The following USHBP1 variants were observed in gnomAD, a reference collection of about 807,000 sequenced individuals.
USHBP1 encodes the protein harmonin-binding protein USHBP1.
Under a neutral mutation model 76.2 loss-of-function variants are expected in USHBP1, and 67 were observed. The ratio of observed to expected loss-of-function variants is 0.88; its 90% CI spans 0.72 to 1.08. The LOEUF (loss-of-function observed/expected upper bound fraction) is 1.08. USHBP1 is among the 50% of genes least tolerant of loss of function. USHBP1 has a pLI of 0.00. For missense variants in USHBP1, 931 were observed against 915.0 expected, an observed-to-expected ratio of 1.02 and a Z score of -0.23; for synonymous variants, 322 against 362.2, an observed-to-expected ratio of 0.89 and a Z score of 1.26.
chr19:17,259,523 C>T, intron 6 of USHBP1, 73 bp downstream of exon 6: 1 of 1,605,934 alleles, frequency 6.2e-7, no homozygotes, highest in South Asian at 1.1e-5. Flanking sequence ...GTTGCAGCTT[C>T]AGACTCCTGG....
intron 10 of USHBP1, among the ~76,000 whole-genome samples, chr19:17,252,259 G>A (rs7246243): frequency 0.67 from 101,959 of 151,234 alleles, 34,944 homozygotes; most frequent in East Asian, 0.82. Context: ...ACAGTGGCAC[G>A]ATCTTGGCTG....
Position 17,250,221 on chromosome 19 carries a change from G to T in USHBP1, c.*4C>A. 1 of 1,602,320 alleles carries T rather than the reference G, an allele frequency of 6.2e-7. No homozygotes were observed. The highest frequency in any genetic ancestry group is 8.5e-7 in the Non-Finnish European group (1 of 1,175,302). On this transcript the variant is annotated 3_prime_UTR_variant, in exon 13 of 13. Coordinates refer to ENST00000252597, the MANE Select transcript of USHBP1 (RefSeq NM_031941.4). ...GCATGTCCAGACATGGCTGGGTAAG[G>T]GGCCTACAGAAAGGTGTCCCCAAGC... is the stretch of plus-strand genomic sequence containing the variant.
intron 7 of USHBP1, chr19:17,258,795 T>C (rs1376811379): frequency 7.3e-6 from 2 of 273,754 alleles, no homozygotes; most frequent in Non-Finnish European, 1.4e-5. Flanking sequence ...CACTTGCTCC[T>C]GAACCCCTCT....
rs2073644789 is a variant in USHBP1 at position 17,258,261 on chromosome 19, G to A, written c.1171C>T (p.Gln391Ter). 2 of 1,614,120 alleles carry A rather than the reference G, an allele frequency of 1.2e-6. No individual in the cohort carries two copies. The highest frequency in any genetic ancestry group is 1.7e-6 in the Non-Finnish European group (2 of 1,180,036). Residue 391 changes from glutamine (Q) to a stop codon, truncating the protein, a stop_gained, in exon 8 of 13, where the codon CAA (glutamine) becomes TAA (stop). Coordinates refer to ENST00000252597, the MANE Select transcript of USHBP1 (RefSeq NM_031941.4). LOFTEE classifies it high-confidence loss of function. The stretch of plus-strand genomic sequence containing the variant: ...CCTGCATCCATGGCAGCCTCCTCTT[G>A]TGCCAGCAGCCTCCATGCTTCCTTT... Reference protein sequence around the residue: ...AEKEAWRLLAQEEAAMDAGAQ... With the variant: ...AEKEAWRLLA
chr19:17,250,472 G>A, intron 12 of USHBP1, 58 bp from the exon 13 acceptor site: 1 of 1,566,684 alleles, frequency 6.4e-7, no homozygotes, highest in Non-Finnish European at 8.6e-7. Flanking sequence ...CAAGGCAAGG[G>A]CCGTGTACTC....
chr19:17,259,252 T>C lies in USHBP1; in HGVS notation c.1046+37A>G. 5.1e-6 allele frequency: 8 copies of C among 1,567,632 alleles called. No individual in the cohort carries two copies. In the South Asian group the frequency reaches 9.2e-5, roughly 18 times the overall value. Reference sequence around the variant, plus strand: ...GGCCATCCTCAGAAAGCCCACTCCCTCCCCAGCTGGTGACATCACTGGCAG... The same window carrying C: ...GGCCATCCTCAGAAAGCCCACTCCCCCCCCAGCTGGTGACATCACTGGCAG... On this transcript the variant is annotated intron_variant, in intron 7 of 12. Coordinates refer to ENST00000252597, the MANE Select transcript of USHBP1 (RefSeq NM_031941.4).
At chr19:17,252,977 A>T (rs568470705) in intron 10 of USHBP1, among the ~76,000 whole-genome samples, 26 of 150,184 alleles carry the variant, frequency 1.7e-4, no homozygotes, top group Admixed American at 5.3e-4. Context: ...AATAATAATA[A>T]TTTTTTTTTT....
At chr19:17,259,506 C>G in intron 6 of USHBP1, 77 bp from the exon 7 acceptor site, 1 of 1,607,980 alleles carries the variant, frequency 6.2e-7, no homozygotes, top group East Asian at 2.2e-5. Context: ...CCCTTTCCCT[C>G]CCTCCTGTTG....
At chr19:17,259,146 C>T in intron 7 of USHBP1, 143 bp downstream of exon 7, 2 of 1,229,868 alleles carry the variant, frequency 1.6e-6, no homozygotes, top group Non-Finnish European at 2.2e-6. Context: ...GCCTGGGCAA[C>T]ACAGCGAGAT....
chr19:17,249,910 C>T lies in USHBP1; in HGVS notation c.*315G>A. 1 of 342,352 alleles carries T rather than the reference C, an allele frequency of 2.9e-6. No homozygotes were observed. The highest frequency in any genetic ancestry group is 5.4e-6 in the Non-Finnish European group (1 of 185,646). The allele number at this position is 342,352 out of a possible 1,614,324, so 21.2% of individuals were successfully genotyped here. Reference sequence around the variant, plus strand: ...GGAGACAGGCCAGTTGGAACTTCAGCTGTGGCTATGCAACCTCACGGACCC... The same window carrying T: ...GGAGACAGGCCAGTTGGAACTTCAGTTGTGGCTATGCAACCTCACGGACCC... On this transcript the variant is annotated 3_prime_UTR_variant, in exon 13 of 13. Transcript: ENST00000252597.
chr19:17,253,383 A>G (rs2145580156), intron 10 of USHBP1, among the ~76,000 whole-genome samples: 1 of 143,892 alleles, frequency 6.9e-6, no homozygotes, highest in South Asian at 2.2e-4. Context: ...CCACCCCTCC[A>G]GGTTTAAGCA....
rs766563444 is a variant in USHBP1 at position 17,253,298 on chromosome 19, CT to C, written c.1693-1282del. Among the ~76,000 whole-genome samples the C allele has an allele frequency of 9.2e-3, 1,052 of 114,170 alleles. 3 individuals are homozygous for C. The highest frequency in any genetic ancestry group is 0.027 in the Middle Eastern group (5 of 182). The allele number at this position is 114,170 out of a possible 152,430, so 74.9% of individuals were successfully genotyped here. The stretch of plus-strand genomic sequence containing the variant: ...GCCCGGACAGTAATAATTTTTTTTT[CT>C]TTTTTTTTTTTTGAGACGGAGTCTC... On this transcript the variant is annotated intron_variant, in intron 10 of 12. Coordinates refer to ENST00000252597, the MANE Select transcript of USHBP1 (RefSeq NM_031941.4).
rs1230222305 is a variant in USHBP1 at position 17,252,116 on chromosome 19, G to A, written c.1693-99C>T. 9 of 1,108,278 alleles carry A rather than the reference G, an allele frequency of 8.1e-6. No homozygotes were observed. The Admixed American group carries it at 1.2e-4, about 15-fold the overall frequency. The allele number at this position is 1,108,278 out of a possible 1,614,324, so 68.7% of individuals were successfully genotyped here. ...AGCTGCCCAGACAGTGGCAGCTGCTGTGCTCTCAGAGACCCACATCTGGTT... is the reference window on the plus strand; with the variant it reads ...AGCTGCCCAGACAGTGGCAGCTGCTATGCTCTCAGAGACCCACATCTGGTT... On this transcript the variant is annotated intron_variant, in intron 10 of 12. Transcript: ENST00000252597.
In USHBP1 at chr19:17,259,518, A is replaced by G. The variant is rs1420717409; in HGVS notation, c.905+78T>C. ...CCACCCTTTCCCTCCCTCCTGTTGC[A>G]GCTTCAGACTCCTGGCTTTATAACT... On this transcript the variant is annotated intron_variant, in intron 6 of 12. Transcript: ENST00000252597. 4.4e-6 allele frequency: 7 copies of G among 1,605,624 alleles called. No individual in the cohort carries two copies. In the East Asian group the frequency reaches 1.6e-4, roughly 36 times the overall value.
rs765309045 is a variant in USHBP1 at position 17,250,214 on chromosome 19, G to A, written c.*11C>T. 2 of 1,597,120 alleles carry A rather than the reference G, an allele frequency of 1.3e-6. No homozygotes were observed. Among genetic ancestry groups the A allele is most frequent in the African/African-American group, 1.3e-5 (1 of 74,314 alleles). On this transcript the variant is annotated 3_prime_UTR_variant, in exon 13 of 13. Coordinates refer to ENST00000252597, the MANE Select transcript of USHBP1 (RefSeq NM_031941.4). ...CTGTCTGGCATGTCCAGACATGGCTGGGTAAGGGGCCTACAGAAAGGTGTC... is the reference window on the plus strand; with the variant it reads ...CTGTCTGGCATGTCCAGACATGGCTAGGTAAGGGGCCTACAGAAAGGTGTC...
At chr19:17,251,559 G>A (rs956106536) in intron 12 of USHBP1, 23 bp downstream of exon 12, 4 of 1,612,274 alleles carry the variant, frequency 2.5e-6, no homozygotes, top group Admixed American at 1.7e-5. Context: ...CAGGGGGATT[G>A]GGGGGATGCA....
intron 1 of USHBP1, 135 bp downstream of exon 1, chr19:17,264,536 C>T (rs932544346): frequency 1.6e-5 from 9 of 547,946 alleles, no homozygotes; most frequent in South Asian, 2.5e-5. Flanking sequence ...GTCCTGATCT[C>T]CCCCTTCTTC....
Position 17,251,628 on chromosome 19 carries a change from G to T in USHBP1, c.1876C>A (p.Arg626=). ...CTGTTCAGCTCGGCACTCTGAGACCGTCTGGCTCGCCCCTTCTGAGCCACC... is the reference window on the plus strand; with the variant it reads ...CTGTTCAGCTCGGCACTCTGAGACCTTCTGGCTCGCCCCTTCTGAGCCACC... The part of the protein sequence containing the change: ...EQVAQKGRAR[R]SQSAELNRDL... The change falls in exon 12 of 13, where the codon CGG becomes AGG. Residue 626 remains arginine, a synonymous_variant. Transcript: ENST00000252597. 1 of 1,613,994 alleles carries T rather than the reference G, an allele frequency of 6.2e-7. No homozygotes were observed. Among genetic ancestry groups the T allele is most frequent in the Non-Finnish European group, 8.5e-7 (1 of 1,179,984 alleles).
Position 17,262,604 on chromosome 19 carries a change from G to C in USHBP1, c.590C>G (p.Thr197Arg). The change falls in exon 4 of 13, where the codon ACG becomes AGG. Residue 197 changes from threonine to arginine, a missense_variant. Coordinates refer to ENST00000252597, the MANE Select transcript of USHBP1 (RefSeq NM_031941.4). ...TCGGATGGCCTCCAGGGAGGCCTGC[G>C]TGCGGACCAGCTCATCCTCTCGGCT... is the stretch of plus-strand genomic sequence containing the variant. ...LSSREDELVR[T>R]QASLEAIRAE... 6.2e-7 allele frequency: 1 copy of C among 1,613,620 alleles called. No homozygotes were observed. Among genetic ancestry groups the C allele is most frequent in the Non-Finnish European group, 8.5e-7 (1 of 1,179,936 alleles).
Sources: gnomAD v4.1 joint callset for allele counts (sites outside exome capture counted in the v4.1 genomes callset) on GRCh38, gnomAD v4.1.1 for gene constraint, MANE v1.5 for transcripts, NCBI Gene and HGNC (gene_info 2026-07-23, HGNC 2026-07-21) for gene names.